The following THSD7B variants were observed in gnomAD, a reference collection of about 807,000 sequenced individuals.
THSD7B encodes the protein thrombospondin type-1 domain-containing protein 7B.
In THSD7B, 138 loss-of-function variants were observed where a neutral mutation model predicts 213.6. The observed-to-expected ratio is 0.65, with a 90% confidence interval of 0.56 to 0.74. The LOEUF is 0.74. Among genes scored for constraint, THSD7B ranks in the 30% least tolerant of loss-of-function variants. THSD7B has a pLI of 0.00. For missense variants in THSD7B, 1,931 were observed against 1,991.5 expected (o/e 0.97, Z 0.58); for synonymous variants, 742 against 687.0 (o/e 1.08, Z -1.25).
rs549951384 is a variant in THSD7B at position 137,238,581 on chromosome 2, C to G, written c.2151-3876C>G. 7.0e-3 allele frequency among the ~76,000 whole-genome samples: 740 copies of G among 105,494 alleles called. 11 individuals are homozygous for G. Among genetic ancestry groups the G allele is most frequent in the African/African-American group, 0.025 (683 of 27,234 alleles). The allele number at this position is 105,494 out of a possible 152,430, so 69.2% of individuals were successfully genotyped here. ...TTTTTTTTTGAGACGGAGTCTCGCTCTGTCGCCCAGGCCGGACTGCGGACT... is the reference window on the plus strand; with the variant it reads ...TTTTTTTTTGAGACGGAGTCTCGCTGTGTCGCCCAGGCCGGACTGCGGACT... On this transcript the variant is annotated intron_variant, in intron 9 of 27. Transcript: ENST00000409968.
intron 4 of THSD7B, among the ~76,000 whole-genome samples, chr2:137,102,301 G>T (rs1688166777): frequency 6.6e-6 from 1 of 152,176 alleles, no homozygotes; most frequent in African/African-American, 2.4e-5. Context: ...AGAGGGGCCT[G>T]ACTGTTAGAA....
At chr2:136,846,006 G>T (rs1683004020) in intron 1 of THSD7B, among the ~76,000 whole-genome samples, 1 of 152,140 alleles carries the variant, frequency 6.6e-6, no homozygotes, top group African/African-American at 2.4e-5. Flanking sequence ...GGGGTAGTCG[G>T]TCATCTTCCT....
chr2:137,655,161 C>G (rs561851334), intron 21 of THSD7B, among the ~76,000 whole-genome samples: 1 of 152,290 alleles, frequency 6.6e-6, no homozygotes, highest in East Asian at 1.9e-4. Context: ...TTTATATGTT[C>G]TCATTGGTGA....
At chr2:137,145,329 A>G (rs565788193) in intron 5 of THSD7B, among the ~76,000 whole-genome samples, 1 of 152,208 alleles carries the variant, frequency 6.6e-6, no homozygotes, top group Non-Finnish European at 1.5e-5. Flanking sequence ...TCCCAGGATA[A>G]GAATATTAAT....
chr2:137,008,849 A>C (rs762893139), intron 2 of THSD7B, among the ~76,000 whole-genome samples: 2 of 152,006 alleles, frequency 1.3e-5, no homozygotes, highest in African/African-American at 2.4e-5. Context: ...TTTTCTTTTT[A>C]TTTTTTCATT....
Position 136,821,470 on chromosome 2 carries a change from CCTCT to C in THSD7B, c.-36+55789_-36+55792del, listed in dbSNP as rs1220655893. ...AGCATGAACTGCTTCCTTCCCCTTCCCTCTCTCTCCTCCCTGCTCCAGTTTCCTA... is the reference window on the plus strand; with the variant it reads ...AGCATGAACTGCTTCCTTCCCCTTCCCTCTCCTCCCTGCTCCAGTTTCCTA... On this transcript the variant is annotated intron_variant, in intron 1 of 27. Transcript: ENST00000409968. Among the ~76,000 whole-genome samples, 14 of 152,306 alleles carry C rather than the reference CCTCT, an allele frequency of 9.2e-5. No homozygotes were observed. The East Asian group carries it at 1.7e-3, about 19-fold the overall frequency.
At chr2:137,258,108 C>T (rs1364272622) in intron 10 of THSD7B, among the ~76,000 whole-genome samples, 2 of 152,140 alleles carry the variant, frequency 1.3e-5, no homozygotes, top group East Asian at 1.9e-4. Context: ...TTTGTGGTTC[C>T]ATGTAGTAAA....
intron 2 of THSD7B, among the ~76,000 whole-genome samples, chr2:137,032,527 C>A (rs1165841805): frequency 6.6e-6 from 1 of 152,154 alleles, no homozygotes; most frequent in Non-Finnish European, 1.5e-5. Context: ...ATAGCTTATT[C>A]TCTCCCTCTC....
In THSD7B at chr2:136,986,699, AT is replaced by A. The variant is rs199727486; in HGVS notation, c.140-69712del. Among the ~76,000 whole-genome samples, 10 of 151,770 alleles carry A rather than the reference AT, an allele frequency of 6.6e-5. No homozygotes were observed. The East Asian group carries it at 7.7e-4, about 12-fold the overall frequency. On this transcript the variant is annotated intron_variant, in intron 2 of 27. Coordinates refer to ENST00000409968, the MANE Select transcript of THSD7B (RefSeq NM_001316349.2). ...GTCAAACAGCGCTAGTGTTCCCATG[AT>A]TTTTTTTTGAAAGTCAGATTAGTGT... is the stretch of plus-strand genomic sequence containing the variant.
chr2:137,140,351 C>T (rs1207400177), intron 5 of THSD7B, among the ~76,000 whole-genome samples: 4 of 152,066 alleles, frequency 2.6e-5, no homozygotes, highest in Non-Finnish European at 4.4e-5. Flanking sequence ...TTATAACAAA[C>T]GAAGTATACA....
At chr2:137,298,369 G>A (rs1233475349) in intron 12 of THSD7B, among the ~76,000 whole-genome samples, 3 of 152,106 alleles carry the variant, frequency 2.0e-5, no homozygotes, top group African/African-American at 7.2e-5. Flanking sequence ...TGTTTTAAAA[G>A]AGAAACAGAG....
intron 2 of THSD7B, among the ~76,000 whole-genome samples, chr2:136,967,020 C>T (rs561599490): frequency 1.2e-4 from 18 of 152,102 alleles, no homozygotes; most frequent in African/African-American, 3.4e-4. Context: ...TTTGATATGC[C>T]GTGTATCTTC....
At chr2:136,911,814 G>A (rs192629087) in intron 2 of THSD7B, among the ~76,000 whole-genome samples, 9 of 152,088 alleles carry the variant, frequency 5.9e-5, no homozygotes, top group Non-Finnish European at 7.4e-5. Context: ...CAAATCCTAC[G>A]GATATATTTG....
intron 12 of THSD7B, among the ~76,000 whole-genome samples, chr2:137,321,223 T>G (rs1684259117): frequency 6.6e-6 from 1 of 152,206 alleles, no homozygotes; most frequent in African/African-American, 2.4e-5. Context: ...TAGTTTAGAG[T>G]ATTATGTCTC....
intron 3 of THSD7B, among the ~76,000 whole-genome samples, chr2:137,076,290 C>T (rs987987957): frequency 1.3e-4 from 20 of 152,350 alleles, no homozygotes; most frequent in South Asian, 2.1e-4. Context: ...TCGACAATGG[C>T]GGGCGCCCCT....
At chr2:137,078,453 A>G (rs951750006) in intron 3 of THSD7B, among the ~76,000 whole-genome samples, 59 of 152,312 alleles carry the variant, frequency 3.9e-4, no homozygotes, top group African/African-American at 1.3e-3. Flanking sequence ...CTTTATTAAG[A>G]GTTCTAACCC....
chr2:137,096,696 G>A lies in THSD7B; in HGVS notation c.1199+1575G>A, dbSNP rs187568281. On this transcript the variant is annotated intron_variant, in intron 4 of 27. Coordinates refer to ENST00000409968, the MANE Select transcript of THSD7B (RefSeq NM_001316349.2). Reference sequence around the variant, plus strand: ...AAGCTTGAAAATGGCATAACTCTGAGATCTCTGTCCCTTTTAACATTGAAA... The same window carrying A: ...AAGCTTGAAAATGGCATAACTCTGAAATCTCTGTCCCTTTTAACATTGAAA... Among the ~76,000 whole-genome samples the A allele has an allele frequency of 3.7e-3, 563 of 152,308 alleles. 5 individuals carry two copies. The highest frequency in any genetic ancestry group is 6.8e-3 in the Middle Eastern group (2 of 294).
At chr2:137,428,539 A>G (rs1687107414) in intron 14 of THSD7B, among the ~76,000 whole-genome samples, 1 of 151,934 alleles carries the variant, frequency 6.6e-6, no homozygotes, top group Non-Finnish European at 1.5e-5. Context: ...AAACAACCCA[A>G]TTTTTTTTCT....
chr2:137,024,425 G>A (rs1160551083), intron 2 of THSD7B, among the ~76,000 whole-genome samples: 1 of 152,116 alleles, frequency 6.6e-6, no homozygotes, highest in African/African-American at 2.4e-5. Context: ...CTGCTTCGCT[G>A]AGGATAGTAC....
Sources: allele counts gnomAD v4.1 joint callset (sites outside exome capture counted in the v4.1 genomes callset), GRCh38; gene constraint gnomAD v4.1.1; transcripts MANE v1.5; gene names NCBI Gene and HGNC (gene_info 2026-07-23, HGNC 2026-07-21).